CCDC102B: variants seen among roughly 807,000 people sequenced by gnomAD.
CCDC102B encodes coiled-coil domain-containing protein 102B.
CCDC102B carries 75 observed loss-of-function variants against 57.4 expected under a neutral mutation model. The observed-to-expected ratio is 1.31, with a 90% CI of 1.08 to 1.58. The LOEUF (loss-of-function observed/expected upper bound fraction) is 1.58. CCDC102B is among the 40% of genes most tolerant of loss of function. The pLI is 0.00. For missense variants in CCDC102B, 636 were observed against 582.6 expected, an observed-to-expected ratio of 1.09 and a Z score of -0.94; for synonymous variants, 206 against 201.9, an observed-to-expected ratio of 1.02 and a Z score of -0.17.
intron 1 of CCDC102B, among the ~76,000 whole-genome samples, chr18:68,802,963 T>C (rs1011180355): frequency 1.3e-5 from 2 of 152,214 alleles, no homozygotes; most frequent in Admixed American, 1.3e-4. Flanking sequence ...TAAATCTTCA[T>C]CTTTTGTATA....
At chr18:68,733,085 G>A (rs963117132) in intron 2 of CCDC102B, among the ~76,000 whole-genome samples, 5 of 152,052 alleles carry the variant, frequency 3.3e-5, no homozygotes, top group Admixed American at 6.6e-5. Flanking sequence ...ATGTAAATTC[G>A]CAAGTCTTTC....
chr18:68,828,681 A>G (rs964860639), intron 1 of CCDC102B, among the ~76,000 whole-genome samples: 5 of 151,692 alleles, frequency 3.3e-5, no homozygotes, highest in African/African-American at 1.2e-4. Flanking sequence ...TTAGAAAAAA[A>G]CTTAGAAAAA....
intron 4 of CCDC102B, among the ~76,000 whole-genome samples, chr18:68,851,646 T>G (rs1368765797): frequency 1.3e-5 from 2 of 152,196 alleles, no homozygotes; most frequent in Non-Finnish European, 2.9e-5. Flanking sequence ...TTTCAGAATC[T>G]ACTTGTAGTA....
At chr18:68,975,053 TC>T (rs1464170293) in intron 6 of CCDC102B, among the ~76,000 whole-genome samples, 1 of 151,888 alleles carries the variant, frequency 6.6e-6, no homozygotes, top group Non-Finnish European at 1.5e-5. Context: ...GACTCACATC[TC>T]CCAACAGGCA....
intron 1 of CCDC102B, among the ~76,000 whole-genome samples, chr18:68,828,796 G>GAATGTA (rs2037021386): frequency 1.3e-5 from 2 of 151,242 alleles, no homozygotes; most frequent in Non-Finnish European, 3.0e-5. Flanking sequence ...TACATTATGT[G>GAATGTA]AATATATATT....
Position 68,749,960 on chromosome 18 carries a change from C to T in CCDC102B, c.-67+33366C>T, listed in dbSNP as rs554342054. On this transcript the variant is annotated intron_variant, in intron 2 of 3. Coordinates refer to the CCDC102B transcript ENST00000578970. ...CTAATTAAACTAAACAGCTTCTGCA[C>T]AGCAAAAGAAACTACCATCAGAGTG... Among the ~76,000 whole-genome samples, 3 of 152,180 alleles carry T rather than the reference C, an allele frequency of 2.0e-5. No homozygotes were observed. In the East Asian group the frequency reaches 5.8e-4, roughly 29 times the overall value.
At chr18:68,931,148 A>G (rs755375519) in intron 6 of CCDC102B, among the ~76,000 whole-genome samples, 16 of 151,774 alleles carry the variant, frequency 1.1e-4, no homozygotes, top group Non-Finnish European at 2.4e-4. Context: ...TTTTCAAGGC[A>G]AATATGATCT....
chr18:69,048,404 T>C (rs1229159605), intron 7 of CCDC102B, among the ~76,000 whole-genome samples: 5 of 152,130 alleles, frequency 3.3e-5, no homozygotes, highest in Non-Finnish European at 7.4e-5. Context: ...GCATGAATGT[T>C]GAACATTCTG....
intron 6 of CCDC102B, among the ~76,000 whole-genome samples, chr18:68,940,782 T>C (rs536078030): frequency 1.3e-5 from 2 of 152,042 alleles, no homozygotes; most frequent in South Asian, 4.1e-4. Flanking sequence ...CTAGAATTAA[T>C]GTACAGAATG....
intron 1 of CCDC102B, among the ~76,000 whole-genome samples, chr18:68,836,217 C>T (rs571067486): frequency 6.6e-6 from 1 of 152,220 alleles, no homozygotes; most frequent in African/African-American, 2.4e-5. Context: ...TCAATTGCAT[C>T]TTTATATTTT....
At chr18:68,809,948 C>G (rs1016760793) in intron 1 of CCDC102B, among the ~76,000 whole-genome samples, 3 of 152,024 alleles carry the variant, frequency 2.0e-5, no homozygotes, top group African/African-American at 7.2e-5. Context: ...ACGTGAGTTA[C>G]TGAAATGTTT....
At chr18:68,879,062 C>T (rs927175705) in intron 5 of CCDC102B, among the ~76,000 whole-genome samples, 7 of 151,662 alleles carry the variant, frequency 4.6e-5, no homozygotes, top group African/African-American at 1.2e-4. Context: ...CAGACCTTCG[C>T]GGTGAGTGTT....
At chr18:68,941,224 A>T (rs1884379260) in intron 6 of CCDC102B, among the ~76,000 whole-genome samples, 1 of 150,442 alleles carries the variant, frequency 6.6e-6, no homozygotes, top group African/African-American at 2.4e-5. Flanking sequence ...GAGGTGGGGA[A>T]AATGAAAAAA....
At chr18:69,057,699 G>C (rs1328134789), downstream of CCDC102B, among the ~76,000 whole-genome samples, 1 of 152,038 alleles carries the variant, frequency 6.6e-6, no homozygotes. Context: ...GCTAGGAGTT[G>C]TTGGCATCCA....
intron 6 of CCDC102B, among the ~76,000 whole-genome samples, chr18:68,912,570 A>C (rs2040913044): frequency 6.6e-6 from 1 of 152,220 alleles, no homozygotes; most frequent in Admixed American, 6.5e-5. Context: ...TGCATTGAAT[A>C]AGTTATTTAT....
At chr18:68,909,748 G>A (rs928627881) in intron 6 of CCDC102B, among the ~76,000 whole-genome samples, 1 of 152,188 alleles carries the variant, frequency 6.6e-6, no homozygotes, top group Non-Finnish European at 1.5e-5. Context: ...AACTAATTAA[G>A]GGGGTTATCA....
chr18:68,936,766 C>T (rs12960239), intron 6 of CCDC102B, among the ~76,000 whole-genome samples: 1 of 38,944 alleles, frequency 2.6e-5, no homozygotes, highest in African/African-American at 3.7e-5. Flanking sequence ...TATATATACA[C>T]ACATACATAC....
chr18:68,866,248 A>T (rs1482720940), intron 4 of CCDC102B, among the ~76,000 whole-genome samples: 1 of 152,212 alleles, frequency 6.6e-6, no homozygotes, highest in Non-Finnish European at 1.5e-5. Flanking sequence ...GTAATAATAG[A>T]TACATACATA....
chr18:68,946,338 C>G (rs2049537789), intron 6 of CCDC102B, among the ~76,000 whole-genome samples: 1 of 152,042 alleles, frequency 6.6e-6, no homozygotes, highest in Non-Finnish European at 1.5e-5. Context: ...TATGCATGAA[C>G]ACACACATAT....
Sources: gnomAD v4.1 joint callset for allele counts (sites outside exome capture counted in the v4.1 genomes callset) on GRCh38, gnomAD v4.1.1 for gene constraint, MANE v1.5 for transcripts, NCBI Gene and HGNC (gene_info 2026-07-23, HGNC 2026-07-21) for gene names.